The following LATS1 variants were observed in gnomAD, a reference collection of about 807,000 sequenced individuals.
The protein encoded by LATS1 is large tumor suppressor kinase 1, also known as serine/threonine-protein kinase LATS1.
A neutral mutation model predicts 106.6 loss-of-function variants in LATS1; 25 were observed. The ratio of observed to expected loss-of-function variants is 0.23; its 90% CI spans 0.17 to 0.33. The LOEUF is 0.33. Among genes scored for constraint, LATS1 ranks in the 10% least tolerant of loss-of-function variants. LATS1 has a pLI of 1.00. For missense variants in LATS1, 1,040 were observed against 1,382.6 expected (o/e 0.75, Z 3.93); for synonymous variants, 465 against 455.6 (o/e 1.02, Z -0.26).
chr6:149,675,925 A>G, intron 7 of LATS1: 1 of 250,646 alleles, frequency 4.0e-6, no homozygotes, highest in Non-Finnish European at 7.8e-6. Flanking sequence ...ATACAAGATT[A>G]TGGGGATATG....
At position 149,661,327 on chromosome 6, in the gene LATS1, T is replaced by C; in HGVS notation, c.*402A>G. ...AGCTCTGTAAAATAGGGGGTATGTT[T>C]CATATTTGGTTAAAGCAAGATAAAA... On this transcript the variant is annotated 3_prime_UTR_variant, in exon 8 of 8. Transcript: ENST00000543571. The C allele has an allele frequency of 4.3e-6, 1 of 235,072 alleles. No homozygotes were observed. The highest frequency in any genetic ancestry group is 8.4e-6 in the Non-Finnish European group (1 of 119,604). The allele number at this position is 235,072 out of a possible 1,614,324, so 14.6% of individuals were successfully genotyped here. A position where few individuals can be genotyped will look rare whatever the true frequency, so the allele number is the denominator to read the frequency against.
chr6:149,659,822 C>A lies in LATS1; in HGVS notation c.*1907G>T. The A allele has an allele frequency of 4.4e-6, 1 of 225,736 alleles. No homozygotes were observed. The highest frequency in any genetic ancestry group is 2.2e-5 in the African/African-American group (1 of 45,116). The allele number at this position is 225,736 out of a possible 1,614,324, so 14.0% of individuals were successfully genotyped here. The stretch of plus-strand genomic sequence containing the variant: ...GATTTCATGATAGCACATTGTTTTA[C>A]AATTCTGATTAGAAATCCTTCAGAA... On this transcript the variant is annotated 3_prime_UTR_variant, in exon 8 of 8. Coordinates refer to ENST00000543571, the MANE Select transcript of LATS1 (RefSeq NM_004690.4).
In LATS1 at chr6:149,717,974, G is replaced by C. The variant is rs764735651; in HGVS notation, c.-266C>G. 2.7e-5 allele frequency: 10 copies of C among 365,102 alleles called. No homozygotes were observed. The highest frequency in any genetic ancestry group is 1.6e-4 in the South Asian group (9 of 54,552). The allele number at this position is 365,102 out of a possible 1,614,324, so 22.6% of individuals were successfully genotyped here. On this transcript the variant is annotated 5_prime_UTR_variant, in exon 1 of 8. Transcript: ENST00000543571. ...GGCAGAGCGGGGAGACGAACGGGGG[G>C]GCTGCCGCGGGCCAGCGCGGCCCGT...
In LATS1 at chr6:149,661,637, G is replaced by T; in HGVS notation, c.*92C>A. ...ACACAGAGCACACATATATAGCTCT[G>T]TCATATTTGCATAATTTTACTCTCA... On this transcript the variant is annotated 3_prime_UTR_variant, in exon 8 of 8. Transcript: ENST00000543571. 3.8e-6 allele frequency: 4 copies of T among 1,047,962 alleles called. No homozygotes were observed. Among genetic ancestry groups the T allele is most frequent in the African/African-American group, 1.6e-5 (1 of 62,718 alleles). 64.9% of individuals were successfully genotyped at this position (1,047,962 alleles called of 1,614,324 possible).
rs776271639 is a variant in LATS1, at chr6:149,676,700, A to G, written c.2631T>C (p.Asn877=). 4 of 1,613,926 alleles carry G rather than the reference A, an allele frequency of 2.5e-6. No individual in the cohort carries two copies. Among genetic ancestry groups the G allele is most frequent in the Non-Finnish European group, 3.4e-6 (4 of 1,179,864 alleles). The change falls in exon 6 of 8, where the codon AAT becomes AAC. Residue 877 remains asparagine (N), a synonymous_variant. Transcript: ENST00000543571. ...HPRQDSMDFS[N]EWGDPSSCRC... The stretch of plus-strand genomic sequence containing the variant: ...GACAGCTTGAGGGATCCCCCCATTC[A>G]TTACTGAAATCCATGCTATCTTGCC...
intron 1 of LATS1, among the ~76,000 whole-genome samples, chr6:149,704,282 C>T (rs568898748): frequency 2.0e-5 from 3 of 152,176 alleles, no homozygotes; most frequent in East Asian, 3.9e-4. Flanking sequence ...GGATTACAGG[C>T]GTGAGCCACT....
chr6:149,692,832 A>C, intron 3 of LATS1, among the ~76,000 whole-genome samples: 1 of 151,750 alleles, frequency 6.6e-6, no homozygotes, highest in East Asian at 2.0e-4. Flanking sequence ...GCGCCACCAC[A>C]CCCAGCTAAT....
intron 7 of LATS1, among the ~76,000 whole-genome samples, chr6:149,670,212 A>G (rs1340003415): frequency 6.7e-6 from 1 of 150,132 alleles, no homozygotes; most frequent in Non-Finnish European, 1.5e-5. Context: ...AAGAAAAGAA[A>G]AGAAAAGAAA....
intron 3 of LATS1, among the ~76,000 whole-genome samples, chr6:149,685,937 T>C (rs1317879971): frequency 1.3e-5 from 2 of 152,040 alleles, no homozygotes; most frequent in Non-Finnish European, 2.9e-5. Flanking sequence ...AAGGTTTAAA[T>C]ATTAAAGATG....
At chr6:149,676,173 G>T in intron 7 of LATS1, 87 bp downstream of exon 7, 1 of 912,406 alleles carries the variant, frequency 1.1e-6, no homozygotes, top group Non-Finnish European at 1.8e-6. Context: ...TTTAACTCCA[G>T]ACTAAAATGC....
chr6:149,691,322 A>T (rs1029389758), intron 3 of LATS1, among the ~76,000 whole-genome samples: 1 of 152,162 alleles, frequency 6.6e-6, no homozygotes, highest in African/African-American at 2.4e-5. Context: ...GCCAAGGAGA[A>T]TGGCCTCAGA....
At chr6:149,680,742 C>CG (rs1554231899) in intron 4 of LATS1, among the ~76,000 whole-genome samples, 13 of 78,814 alleles carry the variant, frequency 1.6e-4, no homozygotes, top group African/African-American at 7.1e-4. Context: ...TAATGCACTC[C>CG]GAAAAAAAAA....
chr6:149,708,709 T>A (rs1384791885), intron 1 of LATS1, among the ~76,000 whole-genome samples: 39 of 152,120 alleles, frequency 2.6e-4, no homozygotes, highest in Admixed American at 2.4e-3. Flanking sequence ...CTTGACAATA[T>A]GGAAGGAAGG....
chr6:149,697,829 G>C (rs914984396), intron 2 of LATS1, among the ~76,000 whole-genome samples: 2 of 152,080 alleles, frequency 1.3e-5, no homozygotes, highest in Non-Finnish European at 2.9e-5. Flanking sequence ...TCCACCTCCC[G>C]GGTTCAAGCA....
intron 1 of LATS1, among the ~76,000 whole-genome samples, chr6:149,703,134 C>A (rs1453095480): frequency 6.6e-6 from 1 of 151,826 alleles, no homozygotes; most frequent in Non-Finnish European, 1.5e-5. Context: ...CCACCACGCC[C>A]AGCTAATTTT....
chr6:149,716,527 C>T (rs1201451459), intron 1 of LATS1: 2 of 152,124 alleles, frequency 1.3e-5, no homozygotes, highest in African/African-American at 4.8e-5. Context: ...ACCAAATAAC[C>T]AGGGTTAGAA....
intron 2 of LATS1, among the ~76,000 whole-genome samples, chr6:149,695,636 C>A (rs1446505875): frequency 1.3e-5 from 2 of 149,728 alleles, no homozygotes; most frequent in African/African-American, 4.9e-5. Flanking sequence ...GAGATGACCA[C>A]TGTATTCCAG....
chr6:149,676,846 G>T, intron 5 of LATS1, 109 bp from the exon 6 acceptor site: 1 of 883,010 alleles, frequency 1.1e-6, no homozygotes, highest in Non-Finnish European at 1.7e-6. Context: ...TCTCCCTTGT[G>T]ACAAACTAAG....
At chr6:149,691,962 T>G (rs1782783041) in intron 3 of LATS1, among the ~76,000 whole-genome samples, 1 of 152,196 alleles carries the variant, frequency 6.6e-6, no homozygotes. Context: ...TTGTCAATTT[T>G]ACCACTCCCA....
Sources: gnomAD v4.1 joint callset for allele counts (sites outside exome capture counted in the v4.1 genomes callset) on GRCh38, gnomAD v4.1.1 for gene constraint, MANE v1.5 for transcripts, NCBI Gene and HGNC (gene_info 2026-07-23, HGNC 2026-07-21) for gene names.